Variants in CDH10 observed in about 807,000 individuals in gnomAD.
The protein encoded by CDH10 is cadherin-10.
Under a neutral mutation model 73.1 loss-of-function variants are expected in CDH10, and 30 were observed. The observed-to-expected ratio is 0.41, with a 90% CI of 0.31 to 0.56. The LOEUF (loss-of-function observed/expected upper bound fraction) is 0.56. CDH10 is among the 20% of genes least tolerant of loss of function. The pLI, the probability that CDH10 is intolerant of heterozygous loss-of-function variation, is 0.27. For missense variants in CDH10, 815 were observed against 973.7 expected (o/e 0.84, Z 2.17); for synonymous variants, 345 against 348.2 (o/e 0.99, Z 0.10).
intron 5 of CDH10, among the ~76,000 whole-genome samples, chr5:24,525,045 T>C (rs1443554968): frequency 6.6e-6 from 1 of 152,032 alleles, no homozygotes; most frequent in Non-Finnish European, 1.5e-5. Flanking sequence ...ACAGCTCACG[T>C]GAGTAAGCGA....
intron 1 of CDH10, among the ~76,000 whole-genome samples, chr5:24,603,153 A>G (rs1026654444): frequency 7.9e-5 from 12 of 152,178 alleles, no homozygotes; most frequent in African/African-American, 1.7e-4. Flanking sequence ...ACAACATGAT[A>G]AGGAAGTACA....
chr5:24,511,545 C>CAGAGAG (rs55901211), intron 5 of CDH10, 31 bp from the exon 6 acceptor site: 16,502 of 565,078 alleles, frequency 0.029, 304 homozygotes, highest in African/African-American at 0.039. Flanking sequence ...AAGAGAGAGA[C>CAGAGAG]AGAGAGAGAG....
intron 11 of CDH10, among the ~76,000 whole-genome samples, chr5:24,488,776 T>TTC (rs1741937871): frequency 1.4e-5 from 2 of 147,056 alleles, no homozygotes; most frequent in Non-Finnish European, 3.0e-5. Context: ...CATGAAAATA[T>TTC]ATACCTTGCA....
intron 2 of CDH10, among the ~76,000 whole-genome samples, chr5:24,549,470 C>A (rs1744464945): frequency 6.6e-6 from 1 of 150,772 alleles, no homozygotes; most frequent in Admixed American, 6.6e-5. Context: ...AGGAGAAAGA[C>A]ACATTAATGT....
intron 1 of CDH10, among the ~76,000 whole-genome samples, chr5:24,608,289 A>T (rs530565595): frequency 6.6e-6 from 1 of 151,694 alleles, no homozygotes; most frequent in East Asian, 1.9e-4. Flanking sequence ...TACATTTTGA[A>T]TGTTTTTTTT....
At chr5:24,591,150 G>A (rs1265949392) in intron 2 of CDH10, among the ~76,000 whole-genome samples, 1 of 151,904 alleles carries the variant, frequency 6.6e-6, no homozygotes. Flanking sequence ...TCATGTGTAT[G>A]TTTATCTCTT....
chr5:24,552,241 A>G (rs1357780108), intron 2 of CDH10, among the ~76,000 whole-genome samples: 1 of 152,004 alleles, frequency 6.6e-6, no homozygotes, highest in Admixed American at 6.6e-5. Context: ...TTAGCTTTCT[A>G]GAGATATTGT....
chr5:24,510,020 A>G (rs187192252), intron 6 of CDH10, among the ~76,000 whole-genome samples: 1 of 152,202 alleles, frequency 6.6e-6, no homozygotes, highest in Non-Finnish European at 1.5e-5. Context: ...TTCAATTAGT[A>G]AAACTTCGGA....
In CDH10 at chr5:24,592,903, AATAT is replaced by A. The variant is rs10533669; in HGVS notation, c.231+353_231+356del. ...CTCACTGAACTCAATAGCAATGTGA[AATAT>A]ATATATATATATATACACATATGTA... is the stretch of plus-strand genomic sequence containing the variant. On this transcript the variant is annotated intron_variant, in intron 2 of 11. Transcript: ENST00000264463. Among the ~76,000 whole-genome samples the A allele has an allele frequency of 2.6e-3, 384 of 148,368 alleles. 2 individuals carry two copies. The highest frequency in any genetic ancestry group is 0.012 in the South Asian group (58 of 4,720).
intron 2 of CDH10, among the ~76,000 whole-genome samples, chr5:24,567,293 T>C (rs1309499796): frequency 6.6e-6 from 1 of 151,824 alleles, no homozygotes; most frequent in Non-Finnish European, 1.5e-5. Context: ...AATGAGAATG[T>C]TCTCATTAAG....
chr5:24,535,085 G>T (rs1186223361), intron 5 of CDH10, 27 bp downstream of exon 5: 1 of 1,516,624 alleles, frequency 6.6e-7, no homozygotes, highest in Non-Finnish European at 8.8e-7. Context: ...CTTTTGCCCG[G>T]CAGAATGACC....
chr5:24,492,646 CAG>C (rs1395600335), intron 10 of CDH10, among the ~76,000 whole-genome samples, 169 bp downstream of exon 10: 6 of 152,230 alleles, frequency 3.9e-5, no homozygotes, highest in African/African-American at 1.4e-4. Context: ...AAATTGAAGA[CAG>C]TACACATTGC....
intron 2 of CDH10, among the ~76,000 whole-genome samples, chr5:24,569,480 A>G (rs1579821558): frequency 6.6e-6 from 1 of 152,094 alleles, no homozygotes; most frequent in Admixed American, 6.6e-5. Context: ...CTTTTTCTAC[A>G]TATGCTAAAA....
intron 1 of CDH10, among the ~76,000 whole-genome samples, chr5:24,631,024 G>T (rs1747686923): frequency 6.6e-6 from 1 of 152,026 alleles, no homozygotes; most frequent in African/African-American, 2.4e-5. Flanking sequence ...CTCCTTCCTT[G>T]GTGGAAGTGG....
chr5:24,537,409 G>A lies in CDH10; in HGVS notation c.497C>T (p.Thr166Ile), dbSNP rs2111892462. The change falls in exon 3 of 12, where the codon ACA becomes ATA. Residue 166 changes from threonine (T) to isoleucine (I), a missense_variant. Around this residue, in one of 3 missense-constraint regions of CDH10, gnomAD observed 516 missense variants for 636.6 expected, o/e 0.81. Transcript: ENST00000264463. ...AACAGACATTTCGGGAACACTAGCT[G>A]TATAGATTTCTTCTGGGAACGTTGG... The part of the protein sequence containing the change: ...NEPTFPEEIY[T>I]ASVPEMSVVG... The A allele has an allele frequency of 6.2e-7, 1 of 1,612,132 alleles. No individual in the cohort carries two copies. The highest frequency in any genetic ancestry group is 8.5e-7 in the Non-Finnish European group (1 of 1,178,606).
At chr5:24,499,085 A>C (rs1742398070) in intron 8 of CDH10, among the ~76,000 whole-genome samples, 1 of 152,186 alleles carries the variant, frequency 6.6e-6, no homozygotes, top group East Asian at 1.9e-4. Flanking sequence ...TAACTGTTAT[A>C]AAACCTATGT....
intron 2 of CDH10, among the ~76,000 whole-genome samples, chr5:24,583,406 T>C (rs1745872607): frequency 2.6e-5 from 4 of 152,100 alleles, no homozygotes; most frequent in African/African-American, 9.7e-5. Flanking sequence ...CTGTATACCT[T>C]TTCTGTATAA....
In CDH10 at chr5:24,508,199, A is replaced by G. The variant is rs73743607; in HGVS notation, c.1256+1367T>C. Among the ~76,000 whole-genome samples the G allele has an allele frequency of 2.9e-3, 438 of 152,354 alleles. 2 individuals are homozygous for G. The highest frequency in any genetic ancestry group is 9.8e-3 in the African/African-American group (406 of 41,588). ...GAAAACAAATGAAATCCAAAATACA[A>G]AATGGACTAATGGATTATAGTAAGT... On this transcript the variant is annotated intron_variant, in intron 7 of 11. Coordinates refer to ENST00000264463, the MANE Select transcript of CDH10 (RefSeq NM_006727.5).
intron 2 of CDH10, among the ~76,000 whole-genome samples, chr5:24,575,511 T>C (rs987263910): frequency 6.6e-6 from 1 of 152,158 alleles, no homozygotes; most frequent in African/African-American, 2.4e-5. Flanking sequence ...CTCTATTATA[T>C]TGCTTTAAAA....
Sources: gnomAD v4.1 joint callset for allele counts (sites outside exome capture counted in the v4.1 genomes callset) on GRCh38, gnomAD v4.1.1 for gene constraint, gnomAD v4.1.1 regional missense constraint, MANE v1.5 for transcripts, NCBI Gene and HGNC (gene_info 2026-07-23, HGNC 2026-07-21) for gene names.